TRAPPC11: variants seen among roughly 807,000 people sequenced by gnomAD.
TRAPPC11 encodes foie gras homolog.
In TRAPPC11, 104 loss-of-function variants were observed where a neutral mutation model predicts 151.2. That is an observed-to-expected ratio of 0.69 (90% CI 0.59 to 0.81). TRAPPC11 has a LOEUF of 0.81. TRAPPC11 is among the 30% of genes least tolerant of loss of function. TRAPPC11 has a pLI of 0.00. For missense variants in TRAPPC11, 1,230 were observed against 1,349.6 expected (o/e 0.91, Z 1.39); for synonymous variants, 456 against 472.3 (o/e 0.97, Z 0.45).
At chr4:183,680,070 C>A in intron 9 of TRAPPC11, 50 bp from the exon 10 acceptor site, 1 of 1,521,440 alleles carries the variant, frequency 6.6e-7, no homozygotes, top group South Asian at 1.2e-5. Flanking sequence ...CAGAAATAAG[C>A]TTCTTTTTCT....
At chr4:183,686,473 G>C in intron 17 of TRAPPC11, 145 bp from the exon 18 acceptor site, 1 of 826,904 alleles carries the variant, frequency 1.2e-6, no homozygotes, top group Non-Finnish European at 1.8e-6. Context: ...TAGCTCATTT[G>C]TCTCTTGAAG....
intron 5 of TRAPPC11, among the ~76,000 whole-genome samples, chr4:183,671,319 A>C (rs576930637): frequency 4.6e-5 from 7 of 152,314 alleles, no homozygotes; most frequent in Non-Finnish European, 8.8e-5. Flanking sequence ...CCATAAATTA[A>C]AAATTGGAAC....
intron 1 of TRAPPC11, among the ~76,000 whole-genome samples, chr4:183,661,757 CTTTTTTT>C (rs562308106): frequency 1.0e-5 from 1 of 100,106 alleles, no homozygotes; most frequent in African/African-American, 4.0e-5. Flanking sequence ...TTTGGAATAA[CTTTTTTT>C]TTTTTTTTTT....
chr4:183,660,958 C>T (rs1418491035), intron 1 of TRAPPC11, among the ~76,000 whole-genome samples: 1 of 152,042 alleles, frequency 6.6e-6, no homozygotes, highest in East Asian at 1.9e-4. Context: ...GTGAATCGCC[C>T]GCCTTGGCCT....
At chr4:183,689,244 A>G (rs936461325) in intron 18 of TRAPPC11, among the ~76,000 whole-genome samples, 1 of 152,148 alleles carries the variant, frequency 6.6e-6, no homozygotes, top group Non-Finnish European at 1.5e-5. Context: ...TTAAAAATAG[A>G]TAAATCTGGA....
chr4:183,661,422 A>G (rs1382366775), intron 1 of TRAPPC11, among the ~76,000 whole-genome samples: 6 of 118,616 alleles, frequency 5.1e-5, no homozygotes, highest in Non-Finnish European at 6.3e-5. Context: ...CCCAGGCTGG[A>G]GTGCAGTGGC....
At chr4:183,704,759 G>A (rs1277859521) in intron 26 of TRAPPC11, among the ~76,000 whole-genome samples, 2 of 152,092 alleles carry the variant, frequency 1.3e-5, no homozygotes, top group Admixed American at 6.5e-5. Flanking sequence ...CTTGCAGTGA[G>A]CCGAGATCGC....
In TRAPPC11 at chr4:183,708,139, G is replaced by T. The variant is rs73004704; in HGVS notation, c.3190-268G>T. On this transcript the variant is annotated intron_variant, in intron 28 of 29. Transcript: ENST00000334690. The stretch of plus-strand genomic sequence containing the variant: ...CCTGCCTTGAGTTCTCATTCTTTAG[G>T]AGGTATAAGTTACCCATTGTAGGTC... Among the ~76,000 whole-genome samples the T allele has an allele frequency of 4.8e-3, 738 of 152,230 alleles. 4 individuals carry two copies. Among genetic ancestry groups the T allele is most frequent in the African/African-American group, 0.017 (692 of 41,526 alleles).
chr4:183,674,872 T>A, intron 6 of TRAPPC11, 60 bp downstream of exon 6: 20 of 1,052,292 alleles, frequency 1.9e-5, no homozygotes, highest in Non-Finnish European at 2.7e-5. Context: ...ATTTTTGAGG[T>A]GATTATTACA....
At chr4:183,669,804 A>G (rs911140219) in intron 5 of TRAPPC11, among the ~76,000 whole-genome samples, 1 of 152,122 alleles carries the variant, frequency 6.6e-6, no homozygotes, top group African/African-American at 2.4e-5. Flanking sequence ...TACCTTAACC[A>G]TCAGTGATCC....
intron 3 of TRAPPC11, 47 bp from the exon 4 acceptor site, chr4:183,667,012 AT>A: frequency 6.7e-7 from 1 of 1,495,054 alleles, no homozygotes; most frequent in Non-Finnish European, 9.2e-7. Flanking sequence ...TCATGAATAC[AT>A]TTTTTAAGTT....
At chr4:183,683,071 G>C (rs1275485072) in intron 11 of TRAPPC11, among the ~76,000 whole-genome samples, 1 of 151,550 alleles carries the variant, frequency 6.6e-6, no homozygotes, top group Non-Finnish European at 1.5e-5. Flanking sequence ...TGTAGTCCCA[G>C]CTACTTGGGA....
intron 2 of TRAPPC11, among the ~76,000 whole-genome samples, chr4:183,665,146 G>C (rs1183756335): frequency 1.4e-5 from 2 of 143,114 alleles, no homozygotes; most frequent in Non-Finnish European, 3.0e-5. Context: ...CGAGGCTGGA[G>C]TGCTGTGGCG....
chr4:183,705,584 C>T (rs1055466121), intron 27 of TRAPPC11, among the ~76,000 whole-genome samples: 6 of 152,236 alleles, frequency 3.9e-5, no homozygotes, highest in South Asian at 2.1e-4. Flanking sequence ...CTTCCAATAC[C>T]GCTTTCTCTA....
At chr4:183,710,273 A>C (rs1048316636) in intron 29 of TRAPPC11, among the ~76,000 whole-genome samples, 1 of 147,616 alleles carries the variant, frequency 6.8e-6, no homozygotes, top group African/African-American at 2.5e-5. Context: ...TCACAAGGAA[A>C]GGTTCCAGAA....
intron 29 of TRAPPC11, among the ~76,000 whole-genome samples, chr4:183,712,360 G>A (rs1475768710): frequency 6.6e-6 from 1 of 152,236 alleles, no homozygotes; most frequent in African/African-American, 2.4e-5. Context: ...AGCTGGTGAT[G>A]GCTACAGGAG....
rs758266336 is a variant in TRAPPC11 at position 183,706,522 on chromosome 4, C to CA, written c.3056-270dup. On this transcript the variant is annotated intron_variant, in intron 27 of 29. Transcript: ENST00000334690. The stretch of plus-strand genomic sequence containing the variant: ...TGGGTGAAAGAGCGAGACTCCGCCT[C>CA]AAAAAAAAAAAAAAAGAAATGATCC... 7.4e-3 allele frequency among the ~76,000 whole-genome samples: 814 copies of CA among 109,604 alleles called. 7 individuals are homozygous for CA. Among genetic ancestry groups the CA allele is most frequent in the East Asian group, 0.055 (207 of 3,766 alleles). The allele number at this position is 109,604 out of a possible 152,430, so 71.9% of individuals were successfully genotyped here.
intron 27 of TRAPPC11, 160 bp from the exon 28 acceptor site, chr4:183,706,647 G>T: frequency 1.5e-6 from 1 of 674,746 alleles, no homozygotes; most frequent in Non-Finnish European, 2.4e-6. Context: ...TAGTCTTATT[G>T]CTGTTGTCCA....
In TRAPPC11 at chr4:183,682,730, A is replaced by T; in HGVS notation, c.1114-2A>T. On this transcript the variant is annotated splice_acceptor_variant, in intron 10 of 29. Coordinates refer to ENST00000334690, the MANE Select transcript of TRAPPC11 (RefSeq NM_021942.6). LOFTEE classifies it high-confidence loss of function. ...TATTTAGGTTTGTGTTTTAATTTAC[A>T]GGCTTCTGTAATGTATCCCAATCCT... 6.3e-7 allele frequency: 1 copy of T among 1,599,566 alleles called. No homozygotes were observed. Among genetic ancestry groups the T allele is most frequent in the Non-Finnish European group, 8.5e-7 (1 of 1,171,452 alleles).
Sources: allele counts gnomAD v4.1 joint callset (sites outside exome capture counted in the v4.1 genomes callset), GRCh38; gene constraint gnomAD v4.1.1; transcripts MANE v1.5; gene names NCBI Gene and HGNC (gene_info 2026-07-23, HGNC 2026-07-21).